Variants in ACO1 observed in about 807,000 individuals in gnomAD.
The protein encoded by ACO1 is cytoplasmic aconitate hydratase.
Under a neutral mutation model 105.1 loss-of-function variants are expected in ACO1, and 78 were observed. The observed-to-expected ratio is 0.74, with a 90% CI of 0.62 to 0.90. The LOEUF (loss-of-function observed/expected upper bound fraction) is 0.90, where lower values mean the gene tolerates loss of function less well. ACO1 is among the 40% of genes least tolerant of loss of function. The pLI is 0.00. For synonymous variants in ACO1, 364 were observed against 397.4 expected, an observed-to-expected ratio of 0.92 and a Z score of 1.00; for missense variants, 965 against 1,111.1, an observed-to-expected ratio of 0.87 and a Z score of 1.87.
At chr9:32,398,184 C>T (rs755881722) in intron 1 of ACO1, among the ~76,000 whole-genome samples, 3 of 152,150 alleles carry the variant, frequency 2.0e-5, no homozygotes, top group Non-Finnish European at 4.4e-5. Context: ...TATAATATTT[C>T]ACTATCATAG....
At chr9:32,428,621 G>A (rs748217760) in intron 12 of ACO1, among the ~76,000 whole-genome samples, 1 of 152,030 alleles carries the variant, frequency 6.6e-6, no homozygotes, top group Non-Finnish European at 1.5e-5. Flanking sequence ...GGCAGATCAC[G>A]AGATCATGAG....
chr9:32,389,406 G>T (rs1053658121), intron 1 of ACO1, among the ~76,000 whole-genome samples: 1 of 152,110 alleles, frequency 6.6e-6, no homozygotes, highest in African/African-American at 2.4e-5. Flanking sequence ...TTTACACCTG[G>T]TATGTTGAGG....
chr9:32,442,344 T>G (rs1254350477), intron 19 of ACO1, among the ~76,000 whole-genome samples: 2 of 152,088 alleles, frequency 1.3e-5, no homozygotes, highest in East Asian at 3.9e-4. Context: ...AGTATCTATG[T>G]TTTCAACAAG....
At chr9:32,444,395 G>A (rs1010573051) in intron 19 of ACO1, among the ~76,000 whole-genome samples, 2 of 152,090 alleles carry the variant, frequency 1.3e-5, no homozygotes, top group South Asian at 2.1e-4. Context: ...TTAAGGAATC[G>A]CCACACCATC....
chr9:32,408,737 A>G (rs2118414975), intron 4 of ACO1, 86 bp downstream of exon 4: 1 of 1,416,218 alleles, frequency 7.1e-7, no homozygotes, highest in Non-Finnish European at 9.4e-7. Context: ...ATATGTAGTT[A>G]AAGAAGAAAA....
At position 32,450,098 on chromosome 9, in the gene ACO1, AGAT is replaced by A; in HGVS notation, c.2659_2661del (p.Met887del). On this transcript the variant is annotated inframe_deletion, in exon 21 of 21. Transcript: ENST00000309951. Reference sequence around the variant, plus strand: ...GGCATCCTCAACTACATGATCCGCAAGATGGCCAAGTAGGAGACGTGCACTTGG... The same window carrying A: ...GGCATCCTCAACTACATGATCCGCAAGGCCAAGTAGGAGACGTGCACTTGG... 2 of 1,613,492 alleles carry A rather than the reference AGAT, an allele frequency of 1.2e-6. No homozygotes were observed. Among genetic ancestry groups the A allele is most frequent in the South Asian group, 2.2e-5 (2 of 91,052 alleles).
rs994153831 is a variant in ACO1, at chr9:32,419,498, A to T, written c.798+321A>T. 1.3e-5 allele frequency among the ~76,000 whole-genome samples: 2 copies of T among 152,366 alleles called. 1 individual carries two copies. Among genetic ancestry groups the T allele is most frequent in the Admixed American group, 1.3e-4 (2 of 15,310 alleles). ...ATTTAACAGATGATACCATTTTGTCATAGTTGCTTCAGAGCTCTCTGTGTT... is the reference window on the plus strand; with the variant it reads ...ATTTAACAGATGATACCATTTTGTCTTAGTTGCTTCAGAGCTCTCTGTGTT... On this transcript the variant is annotated intron_variant, in intron 7 of 20. Coordinates refer to ENST00000309951, the MANE Select transcript of ACO1 (RefSeq NM_002197.3).
chr9:32,427,813 T>C (rs1321369571), intron 12 of ACO1, among the ~76,000 whole-genome samples: 1 of 152,254 alleles, frequency 6.6e-6, no homozygotes, highest in Non-Finnish European at 1.5e-5. Context: ...TAGCTTACTT[T>C]TATTTTACAA....
chr9:32,387,224 C>T (rs1821173626), intron 1 of ACO1, among the ~76,000 whole-genome samples: 1 of 152,206 alleles, frequency 6.6e-6, no homozygotes, highest in Admixed American at 6.5e-5. Context: ...CGGGTTAAGA[C>T]ACTTTCTCTG....
Position 32,419,071 on chromosome 9 carries a change from T to C in ACO1, c.692T>C (p.Leu231Pro), listed in dbSNP as rs762599613. Reference sequence around the variant, plus strand: ...GGTATTGAAGCAGAAGCTGTCATGCTGGGTCAGCCAATCAGTATGGTGCTT... The same window carrying C: ...GGTATTGAAGCAGAAGCTGTCATGCCGGGTCAGCCAATCAGTATGGTGCTT... Reference protein sequence around the residue: ...VGGIEAEAVMLGQPISMVLPQ... With the variant: ...VGGIEAEAVMPGQPISMVLPQ... Residue 231 changes from leucine (L) to proline (P), a missense_variant, in exon 7 of 21, where the codon CTG (leucine) becomes CCG (proline). Physicochemically the swap from Leu to Pro is moderately conservative, Grantham distance 98. Transcript: ENST00000309951. 2.5e-6 allele frequency: 4 copies of C among 1,607,774 alleles called. No homozygotes were observed. Among genetic ancestry groups the C allele is most frequent in the Non-Finnish European group, 3.4e-6 (4 of 1,176,838 alleles).
intron 1 of ACO1, among the ~76,000 whole-genome samples, chr9:32,402,858 A>G (rs1161418019): frequency 6.6e-6 from 1 of 152,168 alleles, no homozygotes. Flanking sequence ...CTAGGCTTAT[A>G]TGGAGGGCCT....
At chr9:32,397,636 AT>A (rs1034388748) in intron 1 of ACO1, among the ~76,000 whole-genome samples, 11 of 152,220 alleles carry the variant, frequency 7.2e-5, no homozygotes. Flanking sequence ...AGTAGGGCCA[AT>A]TAATTTCTCT....
Position 32,408,567 on chromosome 9 carries a change from TAGG to T in ACO1, c.326_328del (p.Gly109del). ...GCAATGCGTGATGCTGTGAAAAAGT[TAGG>T]AGGAGATCCAGAGAAAATAAACCCT... On this transcript the variant is annotated inframe_deletion, in exon 4 of 21. Transcript: ENST00000309951. 6.2e-7 allele frequency: 1 copy of T among 1,614,186 alleles called. No homozygotes were observed. Among genetic ancestry groups the T allele is most frequent in the South Asian group, 1.1e-5 (1 of 91,084 alleles).
rs1822807608 is a variant in ACO1, at chr9:32,453,224, A to G, written c.*3113A>G. The stretch of plus-strand genomic sequence containing the variant: ...GTTAGTTAATATTTTTAATATAGCA[A>G]ATAAGGATGAGGGATGCCCTTCATG... On this transcript the variant is annotated 3_prime_UTR_variant, in exon 21 of 21. Transcript: ENST00000309951. 2 of 152,114 alleles carry G rather than the reference A, an allele frequency of 1.3e-5. No individual in the cohort carries two copies. The allele number at this position is 152,114 out of a possible 1,614,324, so 9.4% of individuals were successfully genotyped here. A position where few individuals can be genotyped will look rare whatever the true frequency, so the allele number is the denominator to read the frequency against.
At position 32,450,478 on chromosome 9, in the gene ACO1, C is replaced by A; in HGVS notation, c.*367C>A. 2.9e-6 allele frequency: 1 copy of A among 346,286 alleles called. No individual in the cohort carries two copies. The highest frequency in any genetic ancestry group is 5.6e-6 in the Non-Finnish European group (1 of 178,120). The allele number at this position is 346,286 out of a possible 1,614,324, so 21.5% of individuals were successfully genotyped here. A position where few individuals can be genotyped will look rare whatever the true frequency, so the allele number is the denominator to read the frequency against. ...ACCTTCTCAGGAGGTGTCTCCTACC[C>A]TCTTATTGTTCCTCTTACGCTCTGC... On this transcript the variant is annotated 3_prime_UTR_variant, in exon 21 of 21. Coordinates refer to ENST00000309951, the MANE Select transcript of ACO1 (RefSeq NM_002197.3).
chr9:32,408,323 G>A (rs1453761922), intron 3 of ACO1, among the ~76,000 whole-genome samples, 191 bp from the exon 4 acceptor site: 1 of 152,130 alleles, frequency 6.6e-6, no homozygotes, highest in African/African-American at 2.4e-5. Flanking sequence ...CCCAGTCATG[G>A]TACTTACTAC....
chr9:32,416,019 A>C (rs945331777), intron 4 of ACO1, among the ~76,000 whole-genome samples: 1 of 152,066 alleles, frequency 6.6e-6, no homozygotes, highest in Non-Finnish European at 1.5e-5. Context: ...GATCCTACCT[A>C]TTAAAGCAAC....
intron 19 of ACO1, among the ~76,000 whole-genome samples, 186 bp downstream of exon 19, chr9:32,440,773 T>G (rs1051539090): frequency 6.6e-6 from 1 of 152,196 alleles, no homozygotes; most frequent in African/African-American, 2.4e-5. Context: ...TGAAGGGCAA[T>G]GCAGAGTTGA....
chr9:32,387,310 G>A (rs571127873), intron 1 of ACO1, among the ~76,000 whole-genome samples: 23 of 152,334 alleles, frequency 1.5e-4, no homozygotes, highest in Admixed American at 1.4e-3. Context: ...AGTGGTTTCA[G>A]AGCTGGTTTA....
Sources: allele counts gnomAD v4.1 joint callset (sites outside exome capture counted in the v4.1 genomes callset), GRCh38; gene constraint gnomAD v4.1.1; transcripts MANE v1.5; gene names NCBI Gene and HGNC (gene_info 2026-07-23, HGNC 2026-07-21).